Variants in DPYD observed in about 807,000 individuals in gnomAD.
DPYD encodes dihydropyrimidine dehydrogenase [NADP(+)].
DPYD carries 109 observed loss-of-function variants against 116.2 expected under a neutral mutation model. The ratio of observed to expected loss-of-function variants is 0.94; its 90% confidence interval spans 0.80 to 1.10. The LOEUF (loss-of-function observed/expected upper bound fraction) is 1.10, where lower values mean the gene tolerates loss of function less well. DPYD is among the 50% of genes least tolerant of loss of function. DPYD has a pLI of 0.00. For missense variants in DPYD, 1,302 were observed against 1,254.5 expected (o/e 1.04, Z -0.57); for synonymous variants, 440 against 432.0 (o/e 1.02, Z -0.23).
At chr1:97,136,534 G>A (rs1653813260) in intron 20 of DPYD, among the ~76,000 whole-genome samples, 1 of 151,992 alleles carries the variant, frequency 6.6e-6, no homozygotes, top group South Asian at 2.1e-4. Flanking sequence ...ATGCCAGACT[G>A]GGGTATCTTA....
At chr1:97,315,463 G>A (rs1667774879) in intron 16 of DPYD, among the ~76,000 whole-genome samples, 1 of 151,790 alleles carries the variant, frequency 6.6e-6, no homozygotes, top group Non-Finnish European at 1.5e-5. Context: ...TTCCAATTTT[G>A]CTTCCACTTT....
chr1:97,347,454 C>T (rs1669916823), intron 16 of DPYD, among the ~76,000 whole-genome samples: 1 of 151,932 alleles, frequency 6.6e-6, no homozygotes, highest in Non-Finnish European at 1.5e-5. Context: ...GTTAAGCCAA[C>T]CTGGATTTAC....
At chr1:97,210,175 T>G (rs1341090516) in intron 19 of DPYD, among the ~76,000 whole-genome samples, 1 of 152,176 alleles carries the variant, frequency 6.6e-6, no homozygotes, top group African/African-American at 2.4e-5. Context: ...GAATGTTTCC[T>G]GAATATTCAA....
At chr1:97,452,360 C>A (rs960090297) in intron 13 of DPYD, among the ~76,000 whole-genome samples, 5 of 152,062 alleles carry the variant, frequency 3.3e-5, no homozygotes, top group Non-Finnish European at 5.9e-5. Context: ...TATTACATGC[C>A]CAGCTTCCAG....
chr1:97,639,149 C>T (rs1396835577), intron 8 of DPYD, among the ~76,000 whole-genome samples: 1 of 152,010 alleles, frequency 6.6e-6, no homozygotes, highest in African/African-American at 2.4e-5. Flanking sequence ...TACCCATTTG[C>T]TAACTGTAAG....
chr1:97,531,046 C>A (rs899761381), intron 12 of DPYD, among the ~76,000 whole-genome samples: 14 of 152,174 alleles, frequency 9.2e-5, no homozygotes, highest in African/African-American at 3.4e-4. Flanking sequence ...GTAAATATTT[C>A]TTCCCATTCT....
intron 20 of DPYD, among the ~76,000 whole-genome samples, chr1:97,178,423 C>T (rs184167650): frequency 1.3e-5 from 2 of 151,988 alleles, no homozygotes; most frequent in South Asian, 2.1e-4. Context: ...TGGCAAAAGG[C>T]GAGAGGGAAG....
At chr1:97,798,032 C>T (rs537223163) in intron 3 of DPYD, 9 of 152,170 alleles carry the variant, frequency 5.9e-5, no homozygotes, top group African/African-American at 2.2e-4. Context: ...AGAGTTAAGT[C>T]ACAGACAAAA....
intron 2 of DPYD, among the ~76,000 whole-genome samples, chr1:97,841,823 GTTT>G (rs1670051386): frequency 2.0e-5 from 3 of 151,792 alleles, no homozygotes; most frequent in Admixed American, 6.6e-5. Flanking sequence ...TTTTTTGTTT[GTTT>G]TTATTATTAA....
chr1:97,304,928 T>C (rs1056262633), intron 18 of DPYD, among the ~76,000 whole-genome samples: 1 of 151,852 alleles, frequency 6.6e-6, no homozygotes, highest in Non-Finnish European at 1.5e-5. Flanking sequence ...GATATTATAA[T>C]GAGGGTACTT....
chr1:97,157,594 G>A (rs758382337), intron 20 of DPYD, among the ~76,000 whole-genome samples: 17 of 152,060 alleles, frequency 1.1e-4, no homozygotes, highest in Non-Finnish European at 2.2e-4. Context: ...ACTGAATGGG[G>A]AAGCAATGAT....
intron 8 of DPYD, among the ~76,000 whole-genome samples, chr1:97,603,213 A>C (rs1655376784): frequency 6.6e-6 from 1 of 152,074 alleles, no homozygotes; most frequent in African/African-American, 2.4e-5. Context: ...AGTGTTAGGA[A>C]ATTACTGTTT....
intron 18 of DPYD, among the ~76,000 whole-genome samples, chr1:97,262,655 T>C (rs1484578697): frequency 1.3e-5 from 2 of 152,098 alleles, no homozygotes; most frequent in African/African-American, 2.4e-5. Context: ...GTTTGGGATA[T>C]ATTTTCTTTT....
chr1:97,459,076 T>G (rs1676867274), intron 13 of DPYD, among the ~76,000 whole-genome samples: 1 of 151,936 alleles, frequency 6.6e-6, no homozygotes, highest in Admixed American at 6.6e-5. Flanking sequence ...ATTAATATGC[T>G]TAAAAATACG....
chr1:97,707,887 C>T (rs1662070817), intron 5 of DPYD, among the ~76,000 whole-genome samples: 1 of 152,036 alleles, frequency 6.6e-6, no homozygotes, highest in South Asian at 2.1e-4. Flanking sequence ...GACTTTTGGA[C>T]ATTTTGCATA....
chr1:97,601,588 G>A (rs191422077), intron 8 of DPYD, among the ~76,000 whole-genome samples: 6 of 151,982 alleles, frequency 3.9e-5, no homozygotes, highest in Admixed American at 1.3e-4. Flanking sequence ...TAAGCATGTC[G>A]CAGTTCCACA....
intron 3 of DPYD, among the ~76,000 whole-genome samples, chr1:97,795,824 C>A (rs938606748): frequency 6.6e-6 from 1 of 151,904 alleles, no homozygotes; most frequent in South Asian, 2.1e-4. Context: ...ATAATGATAA[C>A]ATCTCATTTT....
At chr1:97,618,402 G>A (rs1429910222) in intron 8 of DPYD, among the ~76,000 whole-genome samples, 1 of 144,484 alleles carries the variant, frequency 6.9e-6, no homozygotes, top group Non-Finnish European at 1.5e-5. Flanking sequence ...TCTAGATGGA[G>A]TCTGGCTCTG....
chr1:97,816,050 T>C (rs1353664377), intron 3 of DPYD, among the ~76,000 whole-genome samples: 1 of 151,998 alleles, frequency 6.6e-6, no homozygotes, highest in Non-Finnish European at 1.5e-5. Flanking sequence ...AACATTTACA[T>C]TTTTAATTTT....
Sources: allele counts gnomAD v4.1 joint callset (sites outside exome capture counted in the v4.1 genomes callset), GRCh38; gene constraint gnomAD v4.1.1; transcripts MANE v1.5; gene names NCBI Gene and HGNC (gene_info 2026-07-23, HGNC 2026-07-21).